Variants in HTR3B observed in about 807,000 individuals in gnomAD.
The protein encoded by HTR3B is 5-hydroxytryptamine (serotonin) receptor 3B, ionotropic.
Under a neutral mutation model 42.8 loss-of-function variants are expected in HTR3B, and 44 were observed. The ratio of observed to expected loss-of-function variants is 1.03; its 90% CI spans 0.81 to 1.32. The LOEUF is 1.32. Ranked by LOEUF, HTR3B falls within the 40% of genes most tolerant of loss-of-function variation. HTR3B has a pLI of 0.00. For synonymous variants in HTR3B, 203 were observed against 209.0 expected (o/e 0.97, Z 0.25); for missense variants, 527 against 536.5 (o/e 0.98, Z 0.17).
intron 2 of HTR3B, among the ~76,000 whole-genome samples, chr11:113,921,883 T>C (rs1206927040): frequency 6.6e-6 from 1 of 152,216 alleles, no homozygotes; most frequent in Non-Finnish European, 1.5e-5. Flanking sequence ...TTAGACTATG[T>C]TAGACATGTC....
rs987840731 is a variant in HTR3B, at chr11:113,931,766, T to A, written c.267T>A (p.Asn89Lys). Reference protein sequence around the residue: ...KTSVWYQEVWNDEFLSWNSSM... With the variant: ...KTSVWYQEVWKDEFLSWNSSM... ...TTGGCTACTACTAACAGGTCTGGAA[T>A]GATGAATTTTTATCCTGGAACTCCA... The change falls in exon 4 of 9, where the codon AAT becomes AAA. Residue 89 changes from asparagine to lysine, a missense_variant. Coordinates refer to ENST00000260191, the MANE Select transcript of HTR3B (RefSeq NM_006028.5). 6.2e-7 allele frequency: 1 copy of A among 1,603,634 alleles called. No individual in the cohort carries two copies. The highest frequency in any genetic ancestry group is 1.3e-5 in the African/African-American group (1 of 74,886).
intron 2 of HTR3B, among the ~76,000 whole-genome samples, chr11:113,911,084 C>T (rs1052485524): frequency 6.6e-6 from 1 of 151,956 alleles, no homozygotes; most frequent in Non-Finnish European, 1.5e-5. Flanking sequence ...CCTCAGCCTC[C>T]CAAAGTGCTG....
chr11:113,907,492 C>T (rs1050891512), intron 1 of HTR3B, among the ~76,000 whole-genome samples: 3 of 152,148 alleles, frequency 2.0e-5, no homozygotes, highest in Non-Finnish European at 4.4e-5. Context: ...ACTCTTTCCC[C>T]TTTTGGTTTA....
At position 113,940,868 on chromosome 11, in the gene HTR3B, G is replaced by A. The variant is rs117396688; in HGVS notation, c.697-2114G>A. Among the ~76,000 whole-genome samples, 1,012 of 152,330 alleles carry A rather than the reference G, an allele frequency of 6.6e-3. 4 individuals are homozygous for A. Among genetic ancestry groups the A allele is most frequent in the Non-Finnish European group, 0.01 (693 of 68,028 alleles). ...ACACTCTTCTCCAGTGGGAGATGGGGATGAAGGAGAAGAACCCTGCACTCA... is the reference window on the plus strand; with the variant it reads ...ACACTCTTCTCCAGTGGGAGATGGGAATGAAGGAGAAGAACCCTGCACTCA... On this transcript the variant is annotated intron_variant, in intron 6 of 8. Coordinates refer to ENST00000260191, the MANE Select transcript of HTR3B (RefSeq NM_006028.5).
chr11:113,921,444 C>T (rs891538049), intron 2 of HTR3B, among the ~76,000 whole-genome samples: 33 of 152,082 alleles, frequency 2.2e-4, no homozygotes, highest in African/African-American at 7.7e-4. Flanking sequence ...GCACCCGGCC[C>T]CTTCGTATTT....
At chr11:113,899,324 A>G in the HTR3B span, among the ~76,000 whole-genome samples, 1 of 152,208 alleles carries the variant, frequency 6.6e-6, no homozygotes, top group Non-Finnish European at 1.5e-5. Context: ...GGTTAGCTTG[A>G]TATTGATTTC....
intron 2 of HTR3B, among the ~76,000 whole-genome samples, chr11:113,916,962 TG>T (rs1180063046): frequency 1.3e-5 from 2 of 152,152 alleles, no homozygotes; most frequent in African/African-American, 4.8e-5. Flanking sequence ...AAAATCATGT[TG>T]TCTGTGAGGA....
intron 6 of HTR3B, among the ~76,000 whole-genome samples, chr11:113,934,806 A>G (rs1475022556): frequency 1.5e-5 from 2 of 129,238 alleles, no homozygotes; most frequent in African/African-American, 2.6e-5. Context: ...AGGAGTAAAC[A>G]CCTCATTAAT....
chr11:113,905,799 T>A (rs904745155), intron 1 of HTR3B, among the ~76,000 whole-genome samples: 5 of 152,174 alleles, frequency 3.3e-5, no homozygotes, highest in African/African-American at 1.2e-4. Flanking sequence ...GGAAGTGGAA[T>A]GAGTCAATTA....
At chr11:113,910,917 C>T (rs1350547613) in intron 2 of HTR3B, among the ~76,000 whole-genome samples, 1 of 151,376 alleles carries the variant, frequency 6.6e-6, no homozygotes. Flanking sequence ...GCAAGCTCCA[C>T]CTTCTGGGTT....
chr11:113,924,128 C>T (rs1226902962), intron 2 of HTR3B, among the ~76,000 whole-genome samples: 2 of 152,154 alleles, frequency 1.3e-5, no homozygotes, highest in Non-Finnish European at 1.5e-5. Flanking sequence ...GTAAGAACAT[C>T]GAATAGATGT....
intron 2 of HTR3B, among the ~76,000 whole-genome samples, chr11:113,913,350 ATTTTTTTTTTTTTTTTTTTTT>A (rs71063533): frequency 1.3e-4 from 8 of 61,524 alleles, no homozygotes; most frequent in African/African-American, 5.7e-4. Flanking sequence ...TGTCTGGCTA[ATTTTTTTTTTTTTTTTTTTTT>A]TTTTTTTTTT....
At chr11:113,910,531 C>T (rs923663950) in intron 2 of HTR3B, among the ~76,000 whole-genome samples, 4 of 151,384 alleles carry the variant, frequency 2.6e-5, no homozygotes, top group African/African-American at 9.7e-5. Context: ...ACCTTTGCGT[C>T]CCCGGTTCAA....
chr11:113,932,595 G>A (rs1487091552), intron 5 of HTR3B, 137 bp downstream of exon 5: 2 of 781,454 alleles, frequency 2.6e-6, no homozygotes, highest in Non-Finnish European at 4.0e-6. Flanking sequence ...CGGTTTTTTG[G>A]CTCCTGCTGT....
intron 2 of HTR3B, among the ~76,000 whole-genome samples, chr11:113,918,258 T>C (rs926259058): frequency 7.8e-6 from 1 of 127,786 alleles, no homozygotes; most frequent in African/African-American, 3.3e-5. Flanking sequence ...TTCTCCTGCT[T>C]GTGTGTACTC....
At chr11:113,921,688 G>C (rs3133376) in intron 2 of HTR3B, among the ~76,000 whole-genome samples, 2,712 of 151,898 alleles carry the variant, frequency 0.018, 76 homozygotes, top group African/African-American at 0.062. Context: ...AAGGTGTAAA[G>C]TATTTATATT....
intron 6 of HTR3B, among the ~76,000 whole-genome samples, chr11:113,937,786 G>A (rs1008888415): frequency 2.0e-5 from 3 of 152,212 alleles, no homozygotes; most frequent in Non-Finnish European, 4.4e-5. Flanking sequence ...TGCCCACTGG[G>A]CATTACTTGG....
intron 2 of HTR3B, among the ~76,000 whole-genome samples, chr11:113,929,988 A>G (rs994376128): frequency 5.3e-5 from 8 of 152,146 alleles, no homozygotes; most frequent in Admixed American, 2.0e-4. Flanking sequence ...CACGAGCCTC[A>G]GCCTCCCAAA....
At chr11:113,904,281 G>C (rs944557316), upstream of HTR3B, among the ~76,000 whole-genome samples, 4 of 152,154 alleles carry the variant, frequency 2.6e-5, no homozygotes, top group Non-Finnish European at 4.4e-5. Flanking sequence ...TTTCTGAATT[G>C]TGAGCAGTGA....
Sources: gnomAD v4.1 joint callset for allele counts (sites outside exome capture counted in the v4.1 genomes callset) on GRCh38, gnomAD v4.1.1 for gene constraint, MANE v1.5 for transcripts, NCBI Gene and HGNC (gene_info 2026-07-23, HGNC 2026-07-21) for gene names.